CPXM2: variants seen among roughly 807,000 people sequenced by gnomAD.
CPXM2 encodes inactive carboxypeptidase-like protein X2.
Under a neutral mutation model 86.1 loss-of-function variants are expected in CPXM2, and 66 were observed. That is an observed-to-expected ratio of 0.77 (90% CI 0.63 to 0.94). The LOEUF (loss-of-function observed/expected upper bound fraction) is 0.94. CPXM2 is among the 40% of genes least tolerant of loss of function. The probability of loss-of-function intolerance (pLI) is 0.00; values close to 1 mark genes in which losing one functional copy is unlikely to be tolerated. For missense variants in CPXM2, 948 were observed against 1,026.3 expected (o/e 0.92, Z 1.04); for synonymous variants, 388 against 400.2 (o/e 0.97, Z 0.36).
intron 4 of CPXM2, among the ~76,000 whole-genome samples, chr10:123,828,440 G>C (rs1848092548): frequency 6.6e-6 from 1 of 152,084 alleles, no homozygotes; most frequent in Non-Finnish European, 1.5e-5. Flanking sequence ...TGAATCATAG[G>C]GGCAGGTCTT....
chr10:123,819,700 T>C (rs1011658193), intron 4 of CPXM2, among the ~76,000 whole-genome samples: 1 of 152,216 alleles, frequency 6.6e-6, no homozygotes, highest in African/African-American at 2.4e-5. Context: ...AGTGGTATTA[T>C]GTTAGCTGTA....
chr10:123,861,377 A>T (rs1848845634), intron 3 of CPXM2, among the ~76,000 whole-genome samples: 1 of 152,234 alleles, frequency 6.6e-6, no homozygotes, highest in East Asian at 1.9e-4. Flanking sequence ...TAAGTTGAGA[A>T]AGAACAGATC....
chr10:123,780,708 T>G (rs1385917118), intron 6 of CPXM2, among the ~76,000 whole-genome samples: 1 of 151,308 alleles, frequency 6.6e-6, no homozygotes, highest in Non-Finnish European at 1.5e-5. Flanking sequence ...ATGTGGACCC[T>G]ATAAGCCTTT....
chr10:123,935,324 C>A (rs9702612), intron 2 of CPXM2, among the ~76,000 whole-genome samples: 1 of 152,232 alleles, frequency 6.6e-6, no homozygotes, highest in Non-Finnish European at 1.5e-5. Flanking sequence ...TTTTCAATTG[C>A]GGCGGGGGTC....
At chr10:123,869,261 C>T (rs1429733323) in intron 2 of CPXM2, among the ~76,000 whole-genome samples, 1 of 152,216 alleles carries the variant, frequency 6.6e-6, no homozygotes, top group Non-Finnish European at 1.5e-5. Flanking sequence ...AGCCAGGCTG[C>T]AGGAAAGCGG....
upstream of CPXM2, among the ~76,000 whole-genome samples, chr10:123,944,086 C>G (rs956435986): frequency 6.6e-6 from 1 of 152,164 alleles, no homozygotes; most frequent in Non-Finnish European, 1.5e-5. Flanking sequence ...GCAAAGGCCC[C>G]GGGCTGGGGT....
chr10:123,753,545 G>C (rs1846128375), intron 13 of CPXM2, among the ~76,000 whole-genome samples: 1 of 152,316 alleles, frequency 6.6e-6, no homozygotes, highest in African/African-American at 2.4e-5. Context: ...AAGTGGGAAA[G>C]AATGGCCTGT....
chr10:123,937,814 G>C (rs919203496), intron 2 of CPXM2, among the ~76,000 whole-genome samples: 1 of 152,110 alleles, frequency 6.6e-6, no homozygotes, highest in Non-Finnish European at 1.5e-5. Flanking sequence ...AAAGCCTTTA[G>C]AGAAGATGAG....
At chr10:123,803,059 T>C (rs948513613) in intron 4 of CPXM2, among the ~76,000 whole-genome samples, 4 of 150,498 alleles carry the variant, frequency 2.7e-5, no homozygotes, top group African/African-American at 7.3e-5. Context: ...GTTGAATATA[T>C]ATATATATTG....
chr10:123,751,982 C>T (rs1846088881), intron 13 of CPXM2: 2 of 985,224 alleles, frequency 2.0e-6, no homozygotes, highest in Non-Finnish European at 2.4e-6. Context: ...GCTTATGAGG[C>T]CCCAGGGTCT....
upstream of CPXM2, among the ~76,000 whole-genome samples, chr10:123,895,199 C>T (rs970872691): frequency 2.0e-5 from 3 of 147,938 alleles, no homozygotes; most frequent in African/African-American, 5.0e-5. Context: ...TGTCGGCTCA[C>T]GGCAACCTCT....
chr10:123,792,818 C>T (rs1847236299), intron 6 of CPXM2, among the ~76,000 whole-genome samples: 1 of 152,160 alleles, frequency 6.6e-6, no homozygotes, highest in Admixed American at 6.5e-5. Context: ...TTCTGCAATA[C>T]TCATGCACAC....
At chr10:123,751,704 C>T in intron 13 of CPXM2, 2 of 985,400 alleles carry the variant, frequency 2.0e-6, no homozygotes, top group Non-Finnish European at 2.4e-6. Context: ...CAAAATCCAT[C>T]CCGAAATAAA....
chr10:123,943,508 A>G (rs1401949661), upstream of CPXM2, among the ~76,000 whole-genome samples: 2 of 152,228 alleles, frequency 1.3e-5, no homozygotes, highest in African/African-American at 4.8e-5. Flanking sequence ...AGCACGAGGT[A>G]GATCCTCCAG....
chr10:123,857,575 TGGAGATGGAAGGCGGC>T, intron 3 of CPXM2, among the ~76,000 whole-genome samples: 2 of 119,512 alleles, frequency 1.7e-5, no homozygotes, highest in Non-Finnish European at 3.5e-5. Flanking sequence ...GAAGGCGGCG[TGGAGATGGAAGGCGGC>T]GTGGAGATGG....
intron 2 of CPXM2, among the ~76,000 whole-genome samples, chr10:123,921,749 G>A (rs1215778041): frequency 6.6e-6 from 1 of 152,198 alleles, no homozygotes; most frequent in Non-Finnish European, 1.5e-5. Context: ...CCTGAGTGAA[G>A]AAGGGAATTA....
chr10:123,851,706 T>C (rs562363341), intron 3 of CPXM2, among the ~76,000 whole-genome samples: 1 of 149,178 alleles, frequency 6.7e-6, no homozygotes, highest in East Asian at 2.0e-4. Context: ...GAGATGGAGG[T>C]TGCAGTGAGC....
chr10:123,830,870 CTCTG>C (rs1484509438), intron 4 of CPXM2, among the ~76,000 whole-genome samples: 20 of 102,664 alleles, frequency 1.9e-4, no homozygotes, highest in Admixed American at 4.6e-4. Context: ...CTCTCTCTCT[CTCTG>C]TGTGTGTGTG....
chr10:123,800,814 C>G (rs1847440912), intron 4 of CPXM2, among the ~76,000 whole-genome samples: 1 of 152,160 alleles, frequency 6.6e-6, no homozygotes, highest in Non-Finnish European at 1.5e-5. Context: ...CAATCCCCTA[C>G]TTATGTTTGA....
Sources: allele counts gnomAD v4.1 joint callset (sites outside exome capture counted in the v4.1 genomes callset), GRCh38; gene constraint gnomAD v4.1.1; transcripts MANE v1.5; gene names NCBI Gene and HGNC (gene_info 2026-07-23, HGNC 2026-07-21).